Variants in PDE4B observed in about 807,000 individuals in gnomAD.
PDE4B encodes 3',5'-cyclic-AMP phosphodiesterase 4B.
PDE4B carries 20 observed loss-of-function variants against 82.2 expected under a neutral mutation model. The ratio of observed to expected loss-of-function variants is 0.24; its 90% CI spans 0.17 to 0.35. The LOEUF (loss-of-function observed/expected upper bound fraction) is 0.35, where lower values mean the gene tolerates loss of function less well. Ranked by LOEUF, PDE4B falls within the 10% of genes least tolerant of loss-of-function variation. The probability of loss-of-function intolerance (pLI) is 1.00; values close to 1 mark genes in which losing one functional copy is unlikely to be tolerated. For missense variants in PDE4B, 655 were observed against 907.2 expected (o/e 0.72, Z 3.57); for synonymous variants, 320 against 318.9 (o/e 1.00, Z -0.04).
chr1:66,297,478 C>T (rs937253180), intron 7 of PDE4B, among the ~76,000 whole-genome samples: 2 of 152,038 alleles, frequency 1.3e-5, no homozygotes, highest in African/African-American at 4.8e-5. Flanking sequence ...TTAAAGAAGC[C>T]AGGCCAAATA....
chr1:65,851,050 T>C (rs1646326882), intron 1 of PDE4B, among the ~76,000 whole-genome samples: 1 of 152,170 alleles, frequency 6.6e-6, no homozygotes, highest in African/African-American at 2.4e-5. Flanking sequence ...TGCTCAATTG[T>C]TCTAGCAACA....
intron 3 of PDE4B, among the ~76,000 whole-genome samples, chr1:66,201,666 G>A (rs962580769): frequency 3.4e-5 from 5 of 147,916 alleles, no homozygotes. Context: ...ATGGTAGTTG[G>A]TATTTCTGTG....
At chr1:65,814,546 C>T (rs1369881376) in intron 1 of PDE4B, among the ~76,000 whole-genome samples, 2 of 152,154 alleles carry the variant, frequency 1.3e-5, no homozygotes, top group Non-Finnish European at 2.9e-5. Context: ...TATGAAAACA[C>T]CACAATCAAG....
chr1:65,813,452 A>G lies in PDE4B; in HGVS notation c.-71+20204A>G, dbSNP rs190284120. ...AGATATTTTTGCCATATAAAATAATACCTATCTGAAAAGTATTTGGAAGGT... is the reference window on the plus strand; with the variant it reads ...AGATATTTTTGCCATATAAAATAATGCCTATCTGAAAAGTATTTGGAAGGT... On this transcript the variant is annotated intron_variant, in intron 1 of 16. Transcript: ENST00000341517. Among the ~76,000 whole-genome samples, 15 of 152,310 alleles carry G rather than the reference A, an allele frequency of 9.8e-5. No homozygotes were observed. In the East Asian group the frequency reaches 2.3e-3, roughly 24 times the overall value.
At chr1:66,280,518 T>G (rs1656217905) in intron 7 of PDE4B, among the ~76,000 whole-genome samples, 1 of 152,232 alleles carries the variant, frequency 6.6e-6, no homozygotes, top group Admixed American at 6.5e-5. Flanking sequence ...GGAGCATTCT[T>G]TATGTACATT....
chr1:66,199,284 CT>C (rs1648646578), intron 3 of PDE4B, among the ~76,000 whole-genome samples: 1 of 151,598 alleles, frequency 6.6e-6, no homozygotes, highest in Admixed American at 6.6e-5. Flanking sequence ...TGTTTCCTGA[CT>C]TTTTAATGAT....
At chr1:66,005,412 G>C (rs1459191674) in intron 3 of PDE4B, among the ~76,000 whole-genome samples, 1 of 152,052 alleles carries the variant, frequency 6.6e-6, no homozygotes, top group African/African-American at 2.4e-5. Context: ...TTTATTTCTT[G>C]GTCATTTCAA....
At chr1:66,306,136 G>A (rs1410854345) in intron 7 of PDE4B, among the ~76,000 whole-genome samples, 1 of 152,142 alleles carries the variant, frequency 6.6e-6, no homozygotes. Context: ...TTGGTAATAA[G>A]TCCGTCTCTG....
intron 3 of PDE4B, chr1:66,152,483 A>G (rs1214376625): frequency 9.4e-6 from 3 of 318,170 alleles, no homozygotes; most frequent in South Asian, 7.9e-5. Flanking sequence ...TTAACACAGC[A>G]TTGGAAGCCA....
chr1:66,153,155 T>C (rs1380035060), intron 3 of PDE4B, among the ~76,000 whole-genome samples: 1 of 152,164 alleles, frequency 6.6e-6, no homozygotes, highest in African/African-American at 2.4e-5. Flanking sequence ...CCACACCAGA[T>C]TGCAAAGCTG....
intron 12 of PDE4B, among the ~76,000 whole-genome samples, chr1:66,365,418 G>A (rs533382599): frequency 2.2e-4 from 33 of 152,252 alleles, no homozygotes; most frequent in African/African-American, 7.9e-4. Flanking sequence ...TGAGATTTGT[G>A]CTAATATCTT....
intron 4 of PDE4B, among the ~76,000 whole-genome samples, chr1:66,250,847 GT>G (rs1024222122): frequency 5.3e-5 from 8 of 151,914 alleles, no homozygotes; most frequent in Non-Finnish European, 7.4e-5. Flanking sequence ...GAAACTCCAT[GT>G]TTTTTTTCAT....
intron 3 of PDE4B, among the ~76,000 whole-genome samples, chr1:66,104,380 A>G (rs1445088329): frequency 1.4e-5 from 2 of 147,264 alleles, no homozygotes; most frequent in South Asian, 4.5e-4. Context: ...GCTATTGTGA[A>G]TAGTGCCGCA....
chr1:66,251,858 C>T (rs552505591), intron 4 of PDE4B, among the ~76,000 whole-genome samples: 1 of 152,168 alleles, frequency 6.6e-6, no homozygotes, highest in South Asian at 2.1e-4. Flanking sequence ...CATGAAGGGC[C>T]TATGTTAAGG....
intron 3 of PDE4B, among the ~76,000 whole-genome samples, chr1:66,003,383 G>A (rs1651973731): frequency 6.6e-6 from 1 of 151,688 alleles, no homozygotes; most frequent in Admixed American, 6.6e-5. Flanking sequence ...TTCACTCTGT[G>A]AAAGAGATAG....
intron 3 of PDE4B, among the ~76,000 whole-genome samples, chr1:65,950,811 G>A (rs1416369692): frequency 6.6e-6 from 1 of 151,972 alleles, no homozygotes; most frequent in Non-Finnish European, 1.5e-5. Context: ...CACAGCAAAT[G>A]GGAGATGGTA....
chr1:65,874,812 T>G (rs1205019045), intron 1 of PDE4B, among the ~76,000 whole-genome samples: 1 of 151,540 alleles, frequency 6.6e-6, no homozygotes, highest in Non-Finnish European at 1.5e-5. Context: ...GGATTAAAGA[T>G]TTAAACGTTA....
In PDE4B at chr1:66,100,715, A is replaced by C. The variant is rs190749501; in HGVS notation, c.282-146745A>C. On this transcript the variant is annotated intron_variant, in intron 3 of 16. Transcript: ENST00000341517. ...ATCCCCAAAGCAACATTATTGCTGA[A>C]TAAAGATGCCTAATGCCTTTACTAT... is the stretch of plus-strand genomic sequence containing the variant. Among the ~76,000 whole-genome samples, 35 of 152,308 alleles carry C rather than the reference A, an allele frequency of 2.3e-4. No homozygotes were observed. In the East Asian group the frequency reaches 6.4e-3, roughly 28 times the overall value.
chr1:66,235,543 G>A (rs1435457915), intron 3 of PDE4B, among the ~76,000 whole-genome samples: 1 of 151,868 alleles, frequency 6.6e-6, no homozygotes, highest in Non-Finnish European at 1.5e-5. Flanking sequence ...TGTTATCATA[G>A]TTTATCTTTT....
Sources: allele counts gnomAD v4.1 joint callset (sites outside exome capture counted in the v4.1 genomes callset), GRCh38; gene constraint gnomAD v4.1.1; transcripts MANE v1.5; gene names NCBI Gene and HGNC (gene_info 2026-07-23, HGNC 2026-07-21).